Variants in ARHGAP10 observed in about 807,000 individuals in gnomAD.
The protein encoded by ARHGAP10 is rho GTPase-activating protein 10.
A neutral mutation model predicts 108.6 loss-of-function variants in ARHGAP10; 87 were observed. The observed-to-expected ratio is 0.80, with a 90% confidence interval of 0.67 to 0.96. The LOEUF is 0.96. ARHGAP10 is among the 40% of genes least tolerant of loss of function. The probability of loss-of-function intolerance (pLI) is 0.00; values close to 1 mark genes in which losing one functional copy is unlikely to be tolerated. For missense variants in ARHGAP10, 939 were observed against 954.5 expected, an observed-to-expected ratio of 0.98 and a Z score of 0.21; for synonymous variants, 347 against 341.1, an observed-to-expected ratio of 1.02 and a Z score of -0.19.
intron 13 of ARHGAP10, among the ~76,000 whole-genome samples, chr4:147,929,931 G>T (rs922536827): frequency 1.3e-5 from 2 of 152,054 alleles, no homozygotes; most frequent in African/African-American, 2.4e-5. Flanking sequence ...ACCTATATTT[G>T]CATTTGTGCA....
intron 13 of ARHGAP10, among the ~76,000 whole-genome samples, chr4:147,936,875 G>A (rs1282807040): frequency 6.6e-6 from 1 of 152,184 alleles, no homozygotes; most frequent in African/African-American, 2.4e-5. Flanking sequence ...TAGGAACCAG[G>A]CCTCACAGCA....
intron 10 of ARHGAP10, among the ~76,000 whole-genome samples, chr4:147,906,198 A>C (rs1378542269): frequency 1.3e-5 from 2 of 152,212 alleles, no homozygotes; most frequent in Admixed American, 1.3e-4. Flanking sequence ...TACCTGAAAG[A>C]ATTGAAAGCA....
At chr4:147,802,098 G>A (rs184570373) in intron 1 of ARHGAP10, among the ~76,000 whole-genome samples, 18 of 152,330 alleles carry the variant, frequency 1.2e-4, no homozygotes, top group South Asian at 2.1e-4. Flanking sequence ...GGAGTGGGGC[G>A]TATGAGGATG....
intron 1 of ARHGAP10, among the ~76,000 whole-genome samples, chr4:147,737,047 G>T (rs1728445943): frequency 6.6e-6 from 1 of 152,152 alleles, no homozygotes; most frequent in Non-Finnish European, 1.5e-5. Flanking sequence ...AGACCTGTGG[G>T]ATTTTCTATG....
At chr4:147,930,965 G>A (rs1737654242) in intron 13 of ARHGAP10, among the ~76,000 whole-genome samples, 1 of 152,198 alleles carries the variant, frequency 6.6e-6, no homozygotes, top group African/African-American at 2.4e-5. Context: ...GCCTGCTAGT[G>A]CTCAGTAGTT....
intron 4 of ARHGAP10, among the ~76,000 whole-genome samples, chr4:147,857,326 A>C (rs1262700264): frequency 6.6e-6 from 1 of 152,226 alleles, no homozygotes; most frequent in African/African-American, 2.4e-5. Flanking sequence ...ATAGGCTTGG[A>C]AAAAAGTCCA....
intron 20 of ARHGAP10, among the ~76,000 whole-genome samples, chr4:148,052,236 T>A (rs888269122): frequency 1.3e-5 from 2 of 151,468 alleles, no homozygotes; most frequent in African/African-American, 4.9e-5. Flanking sequence ...CTTTCCTTCT[T>A]CCCTCTCTCT....
chr4:147,984,770 A>T (rs1353532723), intron 18 of ARHGAP10, among the ~76,000 whole-genome samples: 1 of 152,216 alleles, frequency 6.6e-6, no homozygotes, highest in East Asian at 1.9e-4. Context: ...GTTAAGAGCC[A>T]GCTGTGGCCA....
At chr4:147,810,167 C>A (rs1018262874) in intron 1 of ARHGAP10, among the ~76,000 whole-genome samples, 1 of 152,178 alleles carries the variant, frequency 6.6e-6, no homozygotes, top group Non-Finnish European at 1.5e-5. Context: ...TCTTCCCTAC[C>A]ATTACAGGCG....
intron 18 of ARHGAP10, among the ~76,000 whole-genome samples, chr4:148,006,007 C>T (rs903597842): frequency 2.0e-5 from 3 of 152,194 alleles, no homozygotes; most frequent in Non-Finnish European, 4.4e-5. Context: ...ATATGGGGGT[C>T]TAAGTATCTC....
chr4:147,994,794 T>G (rs1270838690), intron 18 of ARHGAP10, among the ~76,000 whole-genome samples: 1 of 152,236 alleles, frequency 6.6e-6, no homozygotes, highest in Non-Finnish European at 1.5e-5. Flanking sequence ...AATACTTGAT[T>G]TCTCTGGAAT....
intron 18 of ARHGAP10, among the ~76,000 whole-genome samples, chr4:147,989,539 T>A (rs1740185243): frequency 6.6e-6 from 1 of 152,166 alleles, no homozygotes; most frequent in African/African-American, 2.4e-5. Flanking sequence ...AGGTGCGCAT[T>A]CCCTTTCTCA....
At chr4:148,037,025 G>A (rs1479556794) in intron 19 of ARHGAP10, among the ~76,000 whole-genome samples, 1 of 152,150 alleles carries the variant, frequency 6.6e-6, no homozygotes, top group Non-Finnish European at 1.5e-5. Context: ...TGAGATAGGT[G>A]GTTTTTCTGT....
At chr4:147,926,585 A>T (rs185521495) in intron 13 of ARHGAP10, among the ~76,000 whole-genome samples, 2 of 152,322 alleles carry the variant, frequency 1.3e-5, no homozygotes, top group South Asian at 4.1e-4. Context: ...ATAGAATGAA[A>T]GCAAGAGGAG....
At chr4:147,928,820 A>G (rs1337374316) in intron 13 of ARHGAP10, among the ~76,000 whole-genome samples, 1 of 152,250 alleles carries the variant, frequency 6.6e-6, no homozygotes, top group Non-Finnish European at 1.5e-5. Context: ...TTTGAGTTTT[A>G]TACTACAATT....
Position 147,909,614 on chromosome 4 carries a change from T to C in ARHGAP10, c.1117-118T>C, listed in dbSNP as rs113140448. 3.7e-3 allele frequency: 3,083 copies of C among 837,164 alleles called. 14 individuals carry two copies. Among genetic ancestry groups the C allele is most frequent in the Non-Finnish European group, 3.9e-3 (2,056 of 533,130 alleles). 51.9% of individuals were successfully genotyped at this position (837,164 alleles called of 1,614,324 possible). A position where few individuals can be genotyped will look rare whatever the true frequency, so the allele number is the denominator to read the frequency against. ...CAGACCAATTTCTTATTCTATCACA[T>C]TAACCAGAATCAAGCTTATAAAAAT... On this transcript the variant is annotated intron_variant, in intron 11 of 22. Coordinates refer to ENST00000336498, the MANE Select transcript of ARHGAP10 (RefSeq NM_024605.4).
chr4:148,071,160 G>A (rs939820029), intron 22 of ARHGAP10, among the ~76,000 whole-genome samples: 16 of 152,232 alleles, frequency 1.1e-4, no homozygotes, highest in African/African-American at 3.6e-4. Context: ...AGGCATTCCA[G>A]TCAGAAGCCA....
At chr4:147,747,817 T>C (rs1219192497) in intron 1 of ARHGAP10, among the ~76,000 whole-genome samples, 1 of 152,142 alleles carries the variant, frequency 6.6e-6, no homozygotes, top group East Asian at 1.9e-4. Flanking sequence ...AATTTTGGCT[T>C]GTGGGTGAAG....
rs1421378444 is a variant in ARHGAP10, at chr4:147,778,147, A to C, written c.155-44580A>C. ...GTCGGTTTAGCGCTGAGAGGAGCAA[A>C]ATGATTTGAAATAGATGGCATTTTT... On this transcript the variant is annotated intron_variant, in intron 1 of 22. Coordinates refer to ENST00000336498, the MANE Select transcript of ARHGAP10 (RefSeq NM_024605.4). Among the ~76,000 whole-genome samples the C allele has an allele frequency of 3.3e-5, 5 of 152,206 alleles. No individual in the cohort carries two copies. In the South Asian group the frequency reaches 6.2e-4, roughly 19 times the overall value.
Sources: gnomAD v4.1 joint callset for allele counts (sites outside exome capture counted in the v4.1 genomes callset) on GRCh38, gnomAD v4.1.1 for gene constraint, MANE v1.5 for transcripts, NCBI Gene and HGNC (gene_info 2026-07-23, HGNC 2026-07-21) for gene names.